Variants in XKR4 observed in about 807,000 individuals in gnomAD.
XKR4 encodes the protein XK related 4, also known as XK-related protein 4.
A neutral mutation model predicts 53.9 loss-of-function variants in XKR4; 12 were observed. That is an observed-to-expected ratio of 0.22 (90% CI 0.14 to 0.36). The LOEUF (loss-of-function observed/expected upper bound fraction) is 0.36. Ranked by LOEUF, XKR4 falls within the 10% of genes least tolerant of loss-of-function variation. The probability of loss-of-function intolerance (pLI) is 1.00; values close to 1 mark genes in which losing one functional copy is unlikely to be tolerated. For synonymous variants in XKR4, 354 were observed against 362.4 expected (o/e 0.98, Z 0.26); for missense variants, 799 against 859.5 (o/e 0.93, Z 0.88).
intron 2 of XKR4, among the ~76,000 whole-genome samples, chr8:55,432,365 AT>A (rs1445060975): frequency 6.6e-6 from 1 of 152,234 alleles, no homozygotes; most frequent in African/African-American, 2.4e-5. Flanking sequence ...AAGATTAAAT[AT>A]TTGTAAAGTT....
At chr8:55,177,243 G>T (rs1170873579) in intron 1 of XKR4, among the ~76,000 whole-genome samples, 1 of 151,984 alleles carries the variant, frequency 6.6e-6, no homozygotes, top group African/African-American at 2.4e-5. Context: ...CACCATGTTG[G>T]CCAGGCTGGT....
intron 2 of XKR4, among the ~76,000 whole-genome samples, chr8:55,503,287 T>C (rs1442337109): frequency 6.6e-6 from 1 of 152,164 alleles, no homozygotes; most frequent in African/African-American, 2.4e-5. Flanking sequence ...TATTGACATC[T>C]TAACAATATT....
intron 2 of XKR4, among the ~76,000 whole-genome samples, chr8:55,513,133 T>C (rs1806653277): frequency 1.3e-5 from 2 of 152,174 alleles, no homozygotes; most frequent in African/African-American, 4.8e-5. Flanking sequence ...CCCTTCCAAG[T>C]CCACGAAGCA....
intron 1 of XKR4, among the ~76,000 whole-genome samples, chr8:55,107,367 T>C (rs1816165269): frequency 1.3e-5 from 2 of 152,074 alleles, no homozygotes; most frequent in African/African-American, 4.8e-5. Context: ...TACCTCCAAA[T>C]GCCAACTTGG....
intron 2 of XKR4, among the ~76,000 whole-genome samples, chr8:55,422,507 G>T (rs1261395982): frequency 6.6e-6 from 1 of 152,202 alleles, no homozygotes; most frequent in African/African-American, 2.4e-5. Context: ...GGCTGCGGAA[G>T]TATATTCGAG....
intron 1 of XKR4, among the ~76,000 whole-genome samples, chr8:55,328,014 ACTG>A (rs10566724): frequency 0.1 from 15,864 of 152,112 alleles, 915 homozygotes; most frequent in South Asian, 0.15. Flanking sequence ...CTTTTCCAAC[ACTG>A]CTATGAAAAA....
chr8:55,515,106 A>G (rs1303347096), intron 2 of XKR4, among the ~76,000 whole-genome samples: 1 of 152,184 alleles, frequency 6.6e-6, no homozygotes, highest in Non-Finnish European at 1.5e-5. Flanking sequence ...TTATATTAAA[A>G]CTTTTTTTAA....
At chr8:55,484,506 C>G (rs769887545) in intron 2 of XKR4, among the ~76,000 whole-genome samples, 2 of 152,186 alleles carry the variant, frequency 1.3e-5, no homozygotes, top group African/African-American at 2.4e-5. Context: ...AGGATACAGT[C>G]TGATTCAATA....
intron 1 of XKR4, among the ~76,000 whole-genome samples, chr8:55,250,559 G>A (rs1239426399): frequency 6.6e-6 from 1 of 152,166 alleles, no homozygotes; most frequent in African/African-American, 2.4e-5. Flanking sequence ...GTGTGGTCCT[G>A]ACCCATGCTT....
intron 1 of XKR4, among the ~76,000 whole-genome samples, chr8:55,274,169 G>T (rs985303557): frequency 6.6e-6 from 1 of 152,202 alleles, no homozygotes; most frequent in Admixed American, 6.5e-5. Flanking sequence ...AGTTATGTCA[G>T]TGTCTCTATC....
chr8:55,424,333 A>C (rs1441058584), intron 2 of XKR4, among the ~76,000 whole-genome samples: 1 of 152,214 alleles, frequency 6.6e-6, no homozygotes, highest in East Asian at 1.9e-4. Context: ...TATAGTCAAC[A>C]TTTTTTATAG....
rs149833653 is a variant in XKR4 at position 55,224,973 on chromosome 8, A to G, written c.806+121679A>G. On this transcript the variant is annotated intron_variant, in intron 1 of 2. Transcript: ENST00000327381. ...TCTGTTACTAATTAATGAACGATAC[A>G]TATGTTGATTTGGGTATATGGCATT... 2.9e-3 allele frequency among the ~76,000 whole-genome samples: 448 copies of G among 152,342 alleles called. 3 individuals carry two copies. Among genetic ancestry groups the G allele is most frequent in the African/African-American group, 0.01 (423 of 41,584 alleles).
intron 1 of XKR4, among the ~76,000 whole-genome samples, chr8:55,336,041 C>CAAAAAAA (rs34885296): frequency 5.4e-4 from 61 of 113,450 alleles, no homozygotes; most frequent in Middle Eastern, 4.5e-3. Context: ...AACTCTATAC[C>CAAAAAAA]AAAAAAAAAA....
At chr8:55,243,601 G>A (rs77584862) in intron 1 of XKR4, among the ~76,000 whole-genome samples, 3,371 of 152,298 alleles carry the variant, frequency 0.022, 135 homozygotes, top group African/African-American at 0.076. Context: ...CTCAATTGCT[G>A]GGCCGTTGGT....
chr8:55,271,367 A>G (rs1405317685), intron 1 of XKR4, among the ~76,000 whole-genome samples: 1 of 152,230 alleles, frequency 6.6e-6, no homozygotes, highest in African/African-American at 2.4e-5. Flanking sequence ...GGGAAATAAA[A>G]TCATGGAAGG....
chr8:55,322,084 G>A (rs937528947), intron 1 of XKR4, among the ~76,000 whole-genome samples: 2 of 152,130 alleles, frequency 1.3e-5, no homozygotes, highest in African/African-American at 4.8e-5. Context: ...TGTCTCCTCA[G>A]TGATAACCAC....
In XKR4 at chr8:55,189,009, C is replaced by T. The variant is rs150026122; in HGVS notation, c.806+85715C>T. ...CACAAATCTCTTCTGTCATCTAGAT[C>T]GGGAACTAGAATCTAAACACACAAG... On this transcript the variant is annotated intron_variant, in intron 1 of 2. Transcript: ENST00000327381. Among the ~76,000 whole-genome samples the T allele has an allele frequency of 1.2e-3, 180 of 152,212 alleles. 2 individuals carry two copies. The highest frequency in any genetic ancestry group is 3.4e-3 in the Middle Eastern group (1 of 294).
intron 1 of XKR4, among the ~76,000 whole-genome samples, chr8:55,339,144 G>C (rs932534607): frequency 6.6e-6 from 1 of 152,152 alleles, no homozygotes; most frequent in Non-Finnish European, 1.5e-5. Flanking sequence ...AATTTTCCTG[G>C]ACTGGAAACG....
intron 1 of XKR4, among the ~76,000 whole-genome samples, chr8:55,133,454 C>T (rs531432052): frequency 3.9e-5 from 6 of 152,312 alleles, no homozygotes; most frequent in African/African-American, 1.4e-4. Flanking sequence ...ATAAGCATGT[C>T]ATCTGTGTGA....
Sources: gnomAD v4.1 joint callset for allele counts (sites outside exome capture counted in the v4.1 genomes callset) on GRCh38, gnomAD v4.1.1 for gene constraint, MANE v1.5 for transcripts, NCBI Gene and HGNC (gene_info 2026-07-23, HGNC 2026-07-21) for gene names.